TANC2: variants seen among roughly 807,000 people sequenced by gnomAD.
TANC2 encodes tetratricopeptide repeat, ankyrin repeat and coiled-coil containing 2.
A neutral mutation model predicts 210.5 loss-of-function variants in TANC2; 26 were observed. The observed-to-expected ratio is 0.12, with a 90% CI of 0.09 to 0.17. The LOEUF is 0.17. Among genes scored for constraint, TANC2 ranks in the 10% least tolerant of loss-of-function variants. The pLI is 1.00. For missense variants in TANC2, 2,129 were observed against 2,608.9 expected (o/e 0.82, Z 4.01); for synonymous variants, 931 against 967.1 (o/e 0.96, Z 0.69).
At chr17:63,176,825 A>C (rs940986537) in intron 5 of TANC2, among the ~76,000 whole-genome samples, 5 of 144,970 alleles carry the variant, frequency 3.4e-5, no homozygotes, top group South Asian at 4.3e-4. Flanking sequence ...AAAAAAAAAA[A>C]CAGGAAAAAG....
chr17:63,127,874 G>A (rs1204789745), intron 4 of TANC2, among the ~76,000 whole-genome samples: 1 of 152,110 alleles, frequency 6.6e-6, no homozygotes, highest in Non-Finnish European at 1.5e-5. Flanking sequence ...ATCACTTGCA[G>A]GATTAAAGTT....
chr17:63,228,563 C>T (rs2042387417), intron 7 of TANC2, among the ~76,000 whole-genome samples: 1 of 152,202 alleles, frequency 6.6e-6, no homozygotes, highest in African/African-American at 2.4e-5. Flanking sequence ...TATCCATGAG[C>T]ATGGAATGTT....
intron 2 of TANC2, among the ~76,000 whole-genome samples, chr17:63,048,284 T>C (rs1022728654): frequency 6.6e-6 from 1 of 152,152 alleles, no homozygotes; most frequent in Admixed American, 6.5e-5. Context: ...ATATTTGGGT[T>C]GAGTATTGAG....
At chr17:62,990,413 A>G (rs1289393760) in intron 1 of TANC2, among the ~76,000 whole-genome samples, 1 of 151,856 alleles carries the variant, frequency 6.6e-6, no homozygotes, top group Non-Finnish European at 1.5e-5. Flanking sequence ...AGTAACTGGG[A>G]CTGCAGGCAT....
intron 9 of TANC2, among the ~76,000 whole-genome samples, chr17:63,280,384 T>C (rs1341736512): frequency 6.6e-6 from 1 of 152,076 alleles, no homozygotes; most frequent in Non-Finnish European, 1.5e-5. Flanking sequence ...TTTTTTTTAA[T>C]TCAGTTTAGG....
At chr17:63,172,488 G>A (rs1364737933) in intron 5 of TANC2, among the ~76,000 whole-genome samples, 3 of 151,926 alleles carry the variant, frequency 2.0e-5, no homozygotes, top group African/African-American at 7.3e-5. Flanking sequence ...GGCCATCACA[G>A]CATTTTTCTA....
chr17:63,182,242 G>A (rs1022480359), intron 5 of TANC2: 3 of 183,772 alleles, frequency 1.6e-5, no homozygotes, highest in Non-Finnish European at 3.4e-5. Flanking sequence ...TTATTAAAGA[G>A]GCATATTGGA....
intron 22 of TANC2, 137 bp downstream of exon 22, chr17:63,411,823 A>G: frequency 7.2e-7 from 1 of 1,387,784 alleles, no homozygotes; most frequent in Non-Finnish European, 9.7e-7. Flanking sequence ...CTAGAGAGCA[A>G]GAATATTCAA....
chr17:63,032,584 G>C (rs1050448964), intron 2 of TANC2, among the ~76,000 whole-genome samples: 3 of 152,120 alleles, frequency 2.0e-5, no homozygotes, highest in African/African-American at 7.2e-5. Flanking sequence ...TGAACTACAT[G>C]ATTGATTGGG....
At chr17:63,298,249 C>T (rs954186097) in intron 9 of TANC2, among the ~76,000 whole-genome samples, 3 of 152,098 alleles carry the variant, frequency 2.0e-5, no homozygotes, top group African/African-American at 4.8e-5. Flanking sequence ...TACATACACA[C>T]GAATATACAC....
At chr17:63,032,732 C>T (rs1452639685) in intron 2 of TANC2, among the ~76,000 whole-genome samples, 1 of 152,150 alleles carries the variant, frequency 6.6e-6, no homozygotes, top group African/African-American at 2.4e-5. Context: ...TTGTTCTATA[C>T]TCACACATTC....
chr17:63,326,312 G>A (rs2045642000), intron 11 of TANC2, among the ~76,000 whole-genome samples: 1 of 152,156 alleles, frequency 6.6e-6, no homozygotes, highest in African/African-American at 2.4e-5. Flanking sequence ...AATGGGCTGA[G>A]ACAACTAAAT....
chr17:63,225,948 G>T (rs1324110058), intron 7 of TANC2, among the ~76,000 whole-genome samples: 1 of 152,052 alleles, frequency 6.6e-6, no homozygotes, highest in Admixed American at 6.5e-5. Context: ...AGAAGTTTTT[G>T]TGACTTTGTC....
At chr17:63,369,079 GGGAGAT>G (rs1387187378) in intron 14 of TANC2, among the ~76,000 whole-genome samples, 1 of 152,316 alleles carries the variant, frequency 6.6e-6, no homozygotes, top group South Asian at 2.1e-4. Context: ...CTGGCAGAAA[GGGAGAT>G]GGAGGCACGG....
rs556357050 is a variant in TANC2, at chr17:62,997,304, C to T, written c.-23-12233C>T. Among the ~76,000 whole-genome samples, 21 of 152,006 alleles carry T rather than the reference C, an allele frequency of 1.4e-4. 1 individual carries two copies. In the South Asian group the frequency reaches 3.1e-3, roughly 23 times the overall value. ...AGCTGTGCACCACCAATATTTTCAT[C>T]GTGTGCATTATTAACCCTGCATCTT... is the stretch of plus-strand genomic sequence containing the variant. On this transcript the variant is annotated intron_variant, in intron 1 of 27. Coordinates refer to ENST00000689528, the Ensembl canonical transcript of TANC2.
chr17:63,228,220 G>A (rs1463226524), intron 7 of TANC2, among the ~76,000 whole-genome samples: 1 of 152,110 alleles, frequency 6.6e-6, no homozygotes, highest in Non-Finnish European at 1.5e-5. Flanking sequence ...TGTTAGGTTT[G>A]TCAAAAATCA....
intron 11 of TANC2, chr17:63,332,012 A>G (rs1440379380): frequency 1.0e-5 from 3 of 286,716 alleles, no homozygotes; most frequent in Non-Finnish European, 1.4e-5. Flanking sequence ...CGATGCTGTC[A>G]TCATCCACCT....
Position 62,966,393 on chromosome 17 carries a change from C to G in TANC2, c.-380C>G, listed in dbSNP as rs1273289723. On this transcript the variant is annotated 5_prime_UTR_variant, in exon 1 of 28. Transcript: ENST00000689528. The surrounding 1 kb of genome is among the most constrained non-coding windows in gnomAD (Gnocchi z 5.1). ...AGGGCCGCTGGCGCTGCCCTCCCGC[C>G]GCCACCGCCCTCCGCGCCTCCTTCG... Among the ~76,000 whole-genome samples the G allele has an allele frequency of 6.8e-6, 1 of 147,714 alleles. No individual in the cohort carries two copies. Among genetic ancestry groups the G allele is most frequent in the South Asian group, 2.1e-4 (1 of 4,822 alleles).
rs540523283 is a variant in TANC2 at position 63,362,617 on chromosome 17, G to C, written c.2582+7227G>C. On this transcript the variant is annotated intron_variant, in intron 14 of 27. Transcript: ENST00000689528. ...CATGCTCGTCAGCACCCAAAGTCCA[G>C]AGGGGACTGAGGCAGCATGGGGCTG... Among the ~76,000 whole-genome samples, 171 of 152,354 alleles carry C rather than the reference G, an allele frequency of 1.1e-3. 2 individuals carry two copies. Among genetic ancestry groups the C allele is most frequent in the African/African-American group, 3.8e-3 (158 of 41,590 alleles).
Sources: allele counts gnomAD v4.1 joint callset (sites outside exome capture counted in the v4.1 genomes callset), GRCh38; gene constraint gnomAD v4.1.1; non-coding constraint Gnocchi (gnomAD v3.1); transcripts MANE v1.5; gene names NCBI Gene and HGNC (gene_info 2026-07-23, HGNC 2026-07-21).